KDELR1: variants seen among roughly 807,000 people sequenced by gnomAD.
KDELR1 encodes the protein KDEL endoplasmic reticulum protein retention receptor 1, also known as ER lumen protein-retaining receptor 1.
KDELR1 carries 16 observed loss-of-function variants against 25.5 expected under a neutral mutation model. That is an observed-to-expected ratio of 0.63 (90% confidence interval 0.43 to 0.95). KDELR1 has a LOEUF of 0.95. KDELR1 is among the 40% of genes least tolerant of loss of function. The pLI, the probability that KDELR1 is intolerant of heterozygous loss-of-function variation, is 0.00. For missense variants in KDELR1, 159 were observed against 265.2 expected (o/e 0.60, Z 2.78); for synonymous variants, 121 against 115.0 (o/e 1.05, Z -0.33).
At chr19:48,385,906 G>A (rs891325013) in intron 3 of KDELR1, among the ~76,000 whole-genome samples, 4 of 152,138 alleles carry the variant, frequency 2.6e-5, no homozygotes, top group African/African-American at 4.8e-5. Context: ...GATAAGAAAC[G>A]TGTCCAGATT....
At chr19:48,392,476 C>T (rs1265859954), upstream of KDELR1, among the ~76,000 whole-genome samples, 1 of 152,142 alleles carries the variant, frequency 6.6e-6, no homozygotes, top group African/African-American at 2.4e-5. Context: ...GGGCCCCAGC[C>T]CTTTTCCCTC....
In KDELR1 at chr19:48,391,333, T is replaced by A; in HGVS notation, c.26A>T (p.Asp9Val). The A allele has an allele frequency of 6.4e-7, 1 of 1,556,892 alleles. No homozygotes were observed. Among genetic ancestry groups the A allele is most frequent in the Non-Finnish European group, 8.7e-7 (1 of 1,150,212 alleles). Residue 9 changes from aspartate (D) to valine (V), a missense_variant, in exon 1 of 5, where the codon GAC becomes GTC. Asp to Val is a radical substitution (Grantham distance 152). Transcript: ENST00000330720. ...GATGATGGCGAGGAGGTGGGAGAGGTCTCCCAGGAATCGGAAGAGATTCAT... is the reference window on the plus strand; with the variant it reads ...GATGATGGCGAGGAGGTGGGAGAGGACTCCCAGGAATCGGAAGAGATTCAT... Reference protein sequence around the residue: MNLFRFLGDLSHLLAIILL... With the variant: MNLFRFLGVLSHLLAIILL...
upstream of KDELR1, among the ~76,000 whole-genome samples, chr19:48,392,808 C>G (rs1201891521): frequency 6.6e-6 from 1 of 152,148 alleles, no homozygotes; most frequent in African/African-American, 2.4e-5. Context: ...TCAGAGGCCC[C>G]GGTGTCCTGC....
At chr19:48,390,568 A>AGAGAGAGAGAGC (rs866113298) in intron 1 of KDELR1, 44 bp from the exon 2 acceptor site, 1 of 1,275,590 alleles carries the variant, frequency 7.8e-7, no homozygotes, top group Non-Finnish European at 1.1e-6. Flanking sequence ...AGAGACAGAG[A>AGAGAGAGAGAGC]GAGAGAGAGA....
At chr19:48,392,908 G>A (rs2147427095), upstream of KDELR1, among the ~76,000 whole-genome samples, 1 of 152,344 alleles carries the variant, frequency 6.6e-6, no homozygotes, top group South Asian at 2.1e-4. Context: ...GCATCTGGGT[G>A]TGGGACCCCC....
intron 4 of KDELR1, among the ~76,000 whole-genome samples, chr19:48,383,972 A>T (rs1569051086): frequency 6.6e-6 from 1 of 152,228 alleles, no homozygotes; most frequent in East Asian, 1.9e-4. Context: ...AATGAATTTC[A>T]GTGGGCTGAG....
At position 48,390,585 on chromosome 19, in the gene KDELR1, C is replaced by G. The variant is rs200723645; in HGVS notation, c.92-61G>C. On this transcript the variant is annotated intron_variant, in intron 1 of 4. Coordinates refer to ENST00000330720, the MANE Select transcript of KDELR1 (RefSeq NM_006801.3). ...AGACAGAGAGAGAGAGAGAGACAGA[C>G]AGACAGACAGACAGACAGAAGGAGA... 2,424 of 609,522 alleles carry G rather than the reference C, an allele frequency of 4.0e-3. 1 individual carries two copies. Among genetic ancestry groups the G allele is most frequent in the African/African-American group, 8.4e-3 (275 of 32,926 alleles). 37.8% of individuals were successfully genotyped at this position (609,522 alleles called of 1,614,324 possible).
At chr19:48,390,723 G>A (rs914657637) in intron 1 of KDELR1, 199 bp from the exon 2 acceptor site, 2 of 549,424 alleles carry the variant, frequency 3.6e-6, no homozygotes, top group Admixed American at 6.3e-5. Flanking sequence ...AGCCCGCCCC[G>A]CCTGAGCAGG....
intron 3 of KDELR1, among the ~76,000 whole-genome samples, chr19:48,389,009 G>A (rs938982712): frequency 6.6e-6 from 1 of 152,168 alleles, no homozygotes; most frequent in African/African-American, 2.4e-5. Context: ...GGTGGCTCAC[G>A]CCTGTAATCC....
At chr19:48,390,864 G>A in intron 1 of KDELR1, 2 of 428,850 alleles carry the variant, frequency 4.7e-6, no homozygotes, top group South Asian at 4.8e-5. Flanking sequence ...CTGGACCTGA[G>A]GTGAGGCCTA....
chr19:48,397,033 A>G, the KDELR1 span, among the ~76,000 whole-genome samples: 2 of 152,120 alleles, frequency 1.3e-5, no homozygotes, highest in Non-Finnish European at 1.5e-5. Context: ...GGGCACAGGA[A>G]GAGAGGCTGT....
Position 48,384,245 on chromosome 19 carries a change from G to T in KDELR1, c.589C>A (p.Leu197Ile). 1 of 1,614,188 alleles carries T rather than the reference G, an allele frequency of 6.2e-7. No homozygotes were observed. The highest frequency in any genetic ancestry group is 8.5e-7 in the Non-Finnish European group (1 of 1,180,038). Residue 197 changes from leucine (L) to isoleucine (I), a missense_variant, in exon 4 of 5, where the codon CTC (leucine) becomes ATC (isoleucine). Leu to Ile is a conservative substitution (Grantham distance 5). Coordinates refer to ENST00000330720, the MANE Select transcript of KDELR1 (RefSeq NM_006801.3). This position sits in a 1 kb window ranked among gnomAD's most constrained non-coding sequence, Gnocchi z 4.6. Reference protein sequence around the residue: ...QTVLYCDFFYLYITKVLKGKK... With the variant: ...QTVLYCDFFYIYITKVLKGKK... ...TTCCAGCTACCTTTGGTGATATAGA[G>T]GTAGAAGAAATCGCAGTAGAGGACT...
At chr19:48,388,944 G>GAAAA (rs1457145171) in intron 3 of KDELR1, among the ~76,000 whole-genome samples, 4 of 151,244 alleles carry the variant, frequency 2.6e-5, no homozygotes, top group Non-Finnish European at 5.9e-5. Context: ...AAGAAAGAAA[G>GAAAA]AAAAAAGAAA....
At chr19:48,392,136 A>C (rs567359247), upstream of KDELR1, among the ~76,000 whole-genome samples, 1 of 131,858 alleles carries the variant, frequency 7.6e-6, no homozygotes, top group Non-Finnish European at 1.6e-5. Flanking sequence ...CCAGGAGTCC[A>C]GGCCCCCAGC....
upstream of KDELR1, among the ~76,000 whole-genome samples, chr19:48,393,137 C>T (rs1323310451): frequency 1.3e-5 from 2 of 151,368 alleles, no homozygotes; most frequent in East Asian, 1.9e-4. This position sits in a 1 kb window ranked among gnomAD's most constrained non-coding sequence, Gnocchi z 5.6. Flanking sequence ...GGGGGAGAGT[C>T]GGGATGACTG....
rs1206127407 is a variant in KDELR1 at position 48,389,790 on chromosome 19, C to G, written c.193-79G>C. 7 of 1,513,438 alleles carry G rather than the reference C, an allele frequency of 4.6e-6. No individual in the cohort carries two copies. The East Asian group carries it at 1.6e-4, about 34-fold the overall frequency. 93.8% of individuals were successfully genotyped at this position (1,513,438 alleles called of 1,614,324 possible). ...AGGCTCAGAGCCCGGAGTCCAGGCC[C>G]CTCCCTCAGACGCAGGAGTCCAGAC... On this transcript the variant is annotated intron_variant, in intron 2 of 4. Coordinates refer to ENST00000330720, the MANE Select transcript of KDELR1 (RefSeq NM_006801.3).
At chr19:48,388,746 A>C (rs994665574) in intron 3 of KDELR1, among the ~76,000 whole-genome samples, 2 of 151,120 alleles carry the variant, frequency 1.3e-5, no homozygotes, top group African/African-American at 4.9e-5. Flanking sequence ...GAAGAAAGGA[A>C]GGAAAGAAGA....
At chr19:48,385,426 TG>T (rs1490413749) in intron 3 of KDELR1, among the ~76,000 whole-genome samples, 1 of 152,194 alleles carries the variant, frequency 6.6e-6, no homozygotes, top group Non-Finnish European at 1.5e-5. Context: ...TCCTACTTCT[TG>T]TTCACCCCGT....
At position 48,386,096 on chromosome 19, in the gene KDELR1, C is replaced by T. The variant is rs114495645; in HGVS notation, c.352-1614G>A. Among the ~76,000 whole-genome samples the T allele has an allele frequency of 6.3e-3, 948 of 150,816 alleles. 10 individuals are homozygous for T. Among genetic ancestry groups the T allele is most frequent in the African/African-American group, 0.022 (905 of 41,120 alleles). ...AACAGAGTCACCGTTTAAAGAGAGA[C>T]AGAAGGTCTGTTGCTTTTTTTTTTT... On this transcript the variant is annotated intron_variant, in intron 3 of 4. Coordinates refer to ENST00000330720, the MANE Select transcript of KDELR1 (RefSeq NM_006801.3).
Sources: allele counts gnomAD v4.1 joint callset (sites outside exome capture counted in the v4.1 genomes callset), GRCh38; gene constraint gnomAD v4.1.1; non-coding constraint Gnocchi (gnomAD v3.1); transcripts MANE v1.5; gene names NCBI Gene and HGNC (gene_info 2026-07-23, HGNC 2026-07-21).